Variants in PPP3R1 observed in about 807,000 individuals in gnomAD.
PPP3R1 encodes the protein calcineurin subunit B type 1.
A neutral mutation model predicts 22.6 loss-of-function variants in PPP3R1; 5 were observed. The observed-to-expected ratio is 0.22, with a 90% CI of 0.12 to 0.46. PPP3R1 has a LOEUF of 0.46. Among genes scored for constraint, PPP3R1 ranks in the 20% least tolerant of loss-of-function variants. The pLI is 0.99. For missense variants in PPP3R1, 61 were observed against 203.2 expected, an observed-to-expected ratio of 0.30 and a Z score of 4.25; for synonymous variants, 56 against 65.2, an observed-to-expected ratio of 0.86 and a Z score of 0.68.
intron 1 of PPP3R1, among the ~76,000 whole-genome samples, chr2:68,218,990 C>T (rs540361795): frequency 2.0e-5 from 3 of 152,098 alleles, no homozygotes; most frequent in Non-Finnish European, 2.9e-5. Context: ...AAGAATAACT[C>T]GTCTTGCTCC....
At chr2:68,244,592 CTTTT>C (rs757135204) in intron 1 of PPP3R1, among the ~76,000 whole-genome samples, 17 of 152,124 alleles carry the variant, frequency 1.1e-4, no homozygotes, top group Non-Finnish European at 5.9e-5. Context: ...TTATCCTCTT[CTTTT>C]TAACTTTTCT....
At chr2:68,192,142 T>G (rs1334519401) in intron 2 of PPP3R1, among the ~76,000 whole-genome samples, 1 of 152,200 alleles carries the variant, frequency 6.6e-6, no homozygotes, top group African/African-American at 2.4e-5. Flanking sequence ...AGCAAACCAT[T>G]CAGAACAGTG....
At chr2:68,224,203 A>G (rs924244842) in intron 1 of PPP3R1, among the ~76,000 whole-genome samples, 3 of 152,216 alleles carry the variant, frequency 2.0e-5, no homozygotes, top group Admixed American at 6.5e-5. Context: ...TCTTCCCATA[A>G]TGATCTGCAT....
intron 1 of PPP3R1, among the ~76,000 whole-genome samples, chr2:68,236,123 T>C (rs1397622307): frequency 6.6e-6 from 1 of 152,218 alleles, no homozygotes; most frequent in Non-Finnish European, 1.5e-5. Flanking sequence ...TCCCCCTTTC[T>C]GAGAATTGTC....
intron 2 of PPP3R1, among the ~76,000 whole-genome samples, chr2:68,210,341 T>A (rs1339198030): frequency 6.6e-6 from 1 of 152,172 alleles, no homozygotes; most frequent in Non-Finnish European, 1.5e-5. Flanking sequence ...CTTTAAGTTC[T>A]CCAATACAGC....
intron 2 of PPP3R1, among the ~76,000 whole-genome samples, chr2:68,215,461 C>T (rs1220342242): frequency 5.9e-5 from 9 of 152,188 alleles, no homozygotes; most frequent in South Asian, 4.2e-4. Context: ...TTGCACACAC[C>T]AACAAATCCA....
chr2:68,214,127 A>C (rs919929970), intron 2 of PPP3R1, among the ~76,000 whole-genome samples: 6 of 152,206 alleles, frequency 3.9e-5, no homozygotes, highest in Admixed American at 2.6e-4. Context: ...CTTATACCAT[A>C]TACAAATCAA....
chr2:68,191,385 C>G (rs1240968022), intron 2 of PPP3R1, among the ~76,000 whole-genome samples: 1 of 152,112 alleles, frequency 6.6e-6, no homozygotes, highest in Non-Finnish European at 1.5e-5. Context: ...TCTAAACATT[C>G]AAAAGGTACA....
intron 2 of PPP3R1, among the ~76,000 whole-genome samples, chr2:68,198,161 A>C (rs1253820767): frequency 6.9e-6 from 1 of 144,656 alleles, no homozygotes; most frequent in Non-Finnish European, 1.5e-5. Flanking sequence ...ACATATATGT[A>C]AATATATACA....
chr2:68,204,269 C>T (rs889509848), intron 2 of PPP3R1, among the ~76,000 whole-genome samples: 1 of 151,354 alleles, frequency 6.6e-6, no homozygotes, highest in Admixed American at 6.6e-5. Context: ...TCACAACGGC[C>T]TAGAATAAAT....
intron 2 of PPP3R1, among the ~76,000 whole-genome samples, chr2:68,205,139 A>C (rs1201792798): frequency 6.6e-6 from 1 of 152,052 alleles, no homozygotes; most frequent in African/African-American, 2.4e-5. Flanking sequence ...CTCATCATCC[A>C]GTTTCAACCA....
chr2:68,232,936 T>C (rs1403203142), intron 1 of PPP3R1, among the ~76,000 whole-genome samples: 2 of 152,216 alleles, frequency 1.3e-5, no homozygotes, highest in African/African-American at 4.8e-5. Context: ...AATATTATCC[T>C]GTAATACATA....
intron 2 of PPP3R1, among the ~76,000 whole-genome samples, chr2:68,200,548 A>G (rs1358190522): frequency 6.6e-6 from 1 of 152,228 alleles, no homozygotes; most frequent in Non-Finnish European, 1.5e-5. Context: ...TGAAGATGAC[A>G]AACTCAAGAT....
At chr2:68,199,897 T>C (rs1373846389) in intron 2 of PPP3R1, among the ~76,000 whole-genome samples, 3 of 152,200 alleles carry the variant, frequency 2.0e-5, no homozygotes, top group African/African-American at 7.2e-5. Context: ...ATATTCCATA[T>C]TGATTTTATT....
intron 1 of PPP3R1, among the ~76,000 whole-genome samples, chr2:68,239,767 A>G (rs1425953124): frequency 6.6e-6 from 1 of 152,242 alleles, no homozygotes; most frequent in Non-Finnish European, 1.5e-5. Context: ...GGCAGTATAT[A>G]AAAGTTGTTA....
At chr2:68,245,522 G>A (rs1670218830) in intron 1 of PPP3R1, among the ~76,000 whole-genome samples, 1 of 152,048 alleles carries the variant, frequency 6.6e-6, no homozygotes, top group African/African-American at 2.4e-5. Context: ...TTACTTTCCT[G>A]GTTTTATTTG....
chr2:68,184,558 T>C (rs7556793), intron 5 of PPP3R1, among the ~76,000 whole-genome samples: 5,897 of 152,268 alleles, frequency 0.039, 340 homozygotes, highest in African/African-American at 0.13. Flanking sequence ...GTAAGAATTA[T>C]TTGTATACAT....
intron 1 of PPP3R1, among the ~76,000 whole-genome samples, chr2:68,230,342 A>T (rs1297094156): frequency 6.6e-6 from 1 of 152,088 alleles, no homozygotes; most frequent in African/African-American, 2.4e-5. Context: ...AACATTTTTT[A>T]AATTCCATTT....
intron 2 of PPP3R1, among the ~76,000 whole-genome samples, chr2:68,199,749 A>G (rs1674934028): frequency 6.6e-6 from 1 of 152,204 alleles, no homozygotes; most frequent in South Asian, 2.1e-4. Context: ...AATTACATTA[A>G]TTTTTGAATG....
Sources: allele counts gnomAD v4.1 joint callset (sites outside exome capture counted in the v4.1 genomes callset), GRCh38; gene constraint gnomAD v4.1.1; transcripts MANE v1.5; gene names NCBI Gene and HGNC (gene_info 2026-07-23, HGNC 2026-07-21).